Variants in HDAC4 observed in about 807,000 individuals in gnomAD.
The protein encoded by HDAC4 is histone deacetylase 4.
A neutral mutation model predicts 135.1 loss-of-function variants in HDAC4; 16 were observed. The ratio of observed to expected loss-of-function variants is 0.12; its 90% confidence interval spans 0.08 to 0.18. The LOEUF is 0.18. Ranked by LOEUF, HDAC4 falls within the 10% of genes least tolerant of loss-of-function variation. HDAC4 has a pLI of 1.00. For synonymous variants in HDAC4, 685 were observed against 653.4 expected, an observed-to-expected ratio of 1.05 and a Z score of -0.74; for missense variants, 1,143 against 1,511.8, an observed-to-expected ratio of 0.76 and a Z score of 4.05.
rs1559410514 is a variant in HDAC4 at position 239,400,326 on chromosome 2, G to C, written c.-220+652C>G. On this transcript the variant is annotated intron_variant, in intron 1 of 26. Transcript: ENST00000543185. This position sits in a 1 kb window ranked among gnomAD's most constrained non-coding sequence, Gnocchi z 4.7. ...AAGTTACATAAACGGCGCCCGGCCG[G>C]CCCCGGCGCCCGCCCGCCCCCGCCC... The C allele has an allele frequency of 6.7e-6, 1 of 149,348 alleles. No homozygotes were observed. The highest frequency in any genetic ancestry group is 2.0e-4 in the East Asian group (1 of 5,120). 9.3% of individuals were successfully genotyped at this position (149,348 alleles called of 1,614,324 possible). A position where few individuals can be genotyped will look rare whatever the true frequency, so the allele number is the denominator to read the frequency against.
chr2:239,168,717 C>T (rs1297770156), intron 5 of HDAC4, among the ~76,000 whole-genome samples: 1 of 152,246 alleles, frequency 6.6e-6, no homozygotes, highest in Non-Finnish European at 1.5e-5. Flanking sequence ...CCGGCTTGGG[C>T]CCCGCTTACA....
At chr2:239,300,989 G>A (rs564384787) in intron 2 of HDAC4, among the ~76,000 whole-genome samples, 10 of 152,340 alleles carry the variant, frequency 6.6e-5, no homozygotes, top group Admixed American at 3.3e-4. Flanking sequence ...GGGGCTGCCC[G>A]TCCAGAAGGA....
chr2:239,189,754 C>T lies in HDAC4; in HGVS notation c.339+79G>A, dbSNP rs929814906. On this transcript the variant is annotated intron_variant, in intron 4 of 26. Transcript: ENST00000543185. ...TCATGCCTGGGGCCCCAGCACACTC[C>T]GCGGAGGCAGGGCTGGAGTCACCGG... 8.0e-5 allele frequency: 114 copies of T among 1,418,240 alleles called. 1 individual carries two copies. Among genetic ancestry groups the T allele is most frequent in the South Asian group, 2.0e-4 (17 of 83,466 alleles). The allele number at this position is 1,418,240 out of a possible 1,614,324, so 87.9% of individuals were successfully genotyped here.
chr2:239,238,027 A>G (rs2047984626), intron 2 of HDAC4, among the ~76,000 whole-genome samples: 1 of 152,146 alleles, frequency 6.6e-6, no homozygotes, highest in African/African-American at 2.4e-5. Context: ...ACCAGACCTG[A>G]GCAATCGCCC....
intron 17 of HDAC4, 137 bp downstream of exon 17, chr2:239,094,873 C>T (rs377440856): frequency 6.8e-5 from 108 of 1,583,782 alleles, no homozygotes; most frequent in Non-Finnish European, 8.1e-5. Context: ...CCTTTGAAGC[C>T]GCACATGGGC....
At chr2:239,111,830 A>G in intron 13 of HDAC4, 118 bp from the exon 14 acceptor site, 2 of 958,440 alleles carry the variant, frequency 2.1e-6, no homozygotes, top group Non-Finnish European at 3.2e-6. Context: ...TACATGGGCC[A>G]CAAGGATGCC....
intron 1 of HDAC4, among the ~76,000 whole-genome samples, chr2:239,375,286 C>T (rs1033341978): frequency 2.0e-5 from 3 of 152,182 alleles, no homozygotes; most frequent in Non-Finnish European, 4.4e-5. Flanking sequence ...GGTCTCTCTG[C>T]TGTCCTGCAG....
rs573502537 is a variant in HDAC4 at position 239,308,700 on chromosome 2, G to A, written c.22+43978C>T. 2.6e-5 allele frequency among the ~76,000 whole-genome samples: 4 copies of A among 152,122 alleles called. No homozygotes were observed. ...TCCCCCCCTTCCAGCCCAGTGCAGG[G>A]GTTCAGCCGCTGCAGAAACTCCGAA... On this transcript the variant is annotated intron_variant, in intron 2 of 26. Coordinates refer to ENST00000543185, the MANE Select transcript of HDAC4 (RefSeq NM_001378414.1). The surrounding 1 kb of genome is among the most constrained non-coding windows in gnomAD (Gnocchi z 4.2).
intron 2 of HDAC4, among the ~76,000 whole-genome samples, chr2:239,280,698 G>C (rs1325490718): frequency 6.6e-6 from 1 of 151,974 alleles, no homozygotes; most frequent in East Asian, 1.9e-4. Context: ...TGTTAACAGG[G>C]GATGGCAAAC....
At chr2:239,277,666 C>T (rs184438059) in intron 2 of HDAC4, among the ~76,000 whole-genome samples, 92 of 152,268 alleles carry the variant, frequency 6.0e-4, no homozygotes, top group Non-Finnish European at 3.8e-4. Flanking sequence ...GCCACACAGC[C>T]GCCCAGCCTG....
At chr2:239,090,585 G>A (rs1219142181) in intron 17 of HDAC4, among the ~76,000 whole-genome samples, 1 of 151,306 alleles carries the variant, frequency 6.6e-6, no homozygotes, top group Non-Finnish European at 1.5e-5. Context: ...CGAGGCCGCA[G>A]TGAGCCATGA....
chr2:239,120,844 A>AG (rs1372247771), intron 12 of HDAC4, among the ~76,000 whole-genome samples: 1 of 150,124 alleles, frequency 6.7e-6, no homozygotes, highest in Non-Finnish European at 1.5e-5. Flanking sequence ...CTGAGGGTGG[A>AG]GGGGAGGGGT....
At chr2:239,384,451 CAAAAAA>C (rs5839742) in intron 1 of HDAC4, among the ~76,000 whole-genome samples, 2 of 95,114 alleles carry the variant, frequency 2.1e-5, no homozygotes, top group African/African-American at 4.1e-5. Flanking sequence ...CCTGTCTCTA[CAAAAAA>C]AAAAAAAAAA....
intron 7 of HDAC4, chr2:239,154,880 G>A (rs1237194796): frequency 1.3e-5 from 2 of 152,270 alleles, no homozygotes; most frequent in African/African-American, 2.4e-5. Context: ...AGCAGCAGAA[G>A]CTCTAGGTTC....
At position 239,139,548 on chromosome 2, in the gene HDAC4, G is replaced by C. The variant is rs1442850760; in HGVS notation, c.978+136C>G. Reference sequence around the variant, plus strand: ...CTCCAACTGCGTCCTTTTTAGGATGGCTCACAGGCCACTTTCCCTCACCCC... The same window carrying C: ...CTCCAACTGCGTCCTTTTTAGGATGCCTCACAGGCCACTTTCCCTCACCCC... On this transcript the variant is annotated intron_variant, in intron 9 of 26. Coordinates refer to ENST00000543185, the MANE Select transcript of HDAC4 (RefSeq NM_001378414.1). The surrounding 1 kb of genome is among the most constrained non-coding windows in gnomAD (Gnocchi z 5.3). 3.6e-6 allele frequency: 3 copies of C among 822,142 alleles called. No homozygotes were observed. In the African/African-American group the frequency reaches 5.0e-5, roughly 14 times the overall value. The allele number at this position is 822,142 out of a possible 1,614,324, so 50.9% of individuals were successfully genotyped here. A position where few individuals can be genotyped will look rare whatever the true frequency, so the allele number is the denominator to read the frequency against.
At chr2:239,401,125 G>C (rs1252988542), upstream of HDAC4, 1 of 151,732 alleles carries the variant, frequency 6.6e-6, no homozygotes, top group East Asian at 2.0e-4. Context: ...CTCCCCTTGC[G>C]GGCCCCGCCC....
At chr2:239,341,837 C>T (rs922334546) in intron 2 of HDAC4, among the ~76,000 whole-genome samples, 3 of 152,150 alleles carry the variant, frequency 2.0e-5, no homozygotes, top group East Asian at 1.9e-4. Flanking sequence ...CCAAAATTCA[C>T]GTGTTAAAAT....
At chr2:239,236,451 A>G (rs957547645) in intron 3 of HDAC4, 142 bp downstream of exon 3, 56 of 668,868 alleles carry the variant, frequency 8.4e-5, no homozygotes, top group Non-Finnish European at 1.4e-4. Context: ...TACCACCAGG[A>G]AGAGCACCCA....
At chr2:239,154,689 C>T (rs752355331) in intron 7 of HDAC4, 2 of 152,032 alleles carry the variant, frequency 1.3e-5, no homozygotes, top group African/African-American at 4.8e-5. Flanking sequence ...ACCTGGAGGG[C>T]GATTTGTAAG....
Sources: allele counts gnomAD v4.1 joint callset (sites outside exome capture counted in the v4.1 genomes callset), GRCh38; gene constraint gnomAD v4.1.1; non-coding constraint Gnocchi (gnomAD v3.1); transcripts MANE v1.5; gene names NCBI Gene and HGNC (gene_info 2026-07-23, HGNC 2026-07-21).